The following FAT3 variants were observed in gnomAD, a reference collection of about 807,000 sequenced individuals.
The protein encoded by FAT3 is FAT atypical cadherin 3.
Under a neutral mutation model 310.2 loss-of-function variants are expected in FAT3, and 95 were observed. The ratio of observed to expected loss-of-function variants is 0.31; its 90% CI spans 0.26 to 0.36. The LOEUF is 0.36. Among genes scored for constraint, FAT3 ranks in the 10% least tolerant of loss-of-function variants. The probability of loss-of-function intolerance (pLI) is 1.00; values close to 1 mark genes in which losing one functional copy is unlikely to be tolerated. For synonymous variants in FAT3, 2,314 were observed against 2,192.9 expected, an observed-to-expected ratio of 1.06 and a Z score of -1.54; for missense variants, 5,408 against 5,715.6, an observed-to-expected ratio of 0.95 and a Z score of 1.74.
chr11:92,390,018 G>C (rs1227780199), intron 2 of FAT3, among the ~76,000 whole-genome samples: 4 of 149,128 alleles, frequency 2.7e-5, no homozygotes, highest in African/African-American at 9.8e-5. Flanking sequence ...AAAAAAGCCT[G>C]TTTTTTTTTT....
chr11:92,536,261 C>G (rs558321620), intron 3 of FAT3, among the ~76,000 whole-genome samples: 2 of 152,204 alleles, frequency 1.3e-5, no homozygotes, highest in Non-Finnish European at 2.9e-5. Context: ...TTATTGATAG[C>G]AGTCCTGTTG....
rs906646362 is a variant in FAT3, at chr11:92,706,337, A to C, written c.3669+8892A>C. On this transcript the variant is annotated intron_variant, in intron 4 of 27. Transcript: ENST00000525166. Reference sequence around the variant, plus strand: ...AAATATTAATTCTCAGAGCTAGTACATTCAAAACAGAGATTACAAGATGCC... The same window carrying C: ...AAATATTAATTCTCAGAGCTAGTACCTTCAAAACAGAGATTACAAGATGCC... Among the ~76,000 whole-genome samples the C allele has an allele frequency of 3.9e-5, 6 of 152,240 alleles. No homozygotes were observed. In the South Asian group the frequency reaches 6.2e-4, roughly 16 times the overall value.
At chr11:92,314,058 G>C (rs1239950628) in intron 1 of FAT3, among the ~76,000 whole-genome samples, 2 of 152,290 alleles carry the variant, frequency 1.3e-5, no homozygotes, top group Non-Finnish European at 2.9e-5. Context: ...AACTTAGCCT[G>C]TTTTCTCCTA....
chr11:92,775,355 G>C (rs139128893), intron 7 of FAT3, among the ~76,000 whole-genome samples: 1 of 152,292 alleles, frequency 6.6e-6, no homozygotes, highest in Non-Finnish European at 1.5e-5. Flanking sequence ...AAAATATAAT[G>C]CAACTCTTTT....
chr11:92,777,139 A>C (rs563005568), intron 7 of FAT3, among the ~76,000 whole-genome samples: 1 of 152,216 alleles, frequency 6.6e-6, no homozygotes, highest in Non-Finnish European at 1.5e-5. Context: ...CCTTCACCAT[A>C]TAACTAAATA....
chr11:92,261,018 T>C (rs1462296742), intron 1 of FAT3, among the ~76,000 whole-genome samples: 2 of 152,116 alleles, frequency 1.3e-5, no homozygotes, highest in African/African-American at 4.8e-5. Flanking sequence ...TAGTTTATTA[T>C]AGGGCAGAGT....
At chr11:92,321,436 CAA>C (rs61666151) in intron 1 of FAT3, among the ~76,000 whole-genome samples, 2 of 122,322 alleles carry the variant, frequency 1.6e-5, no homozygotes. Context: ...GACTCCGTCT[CAA>C]AAAAAAAAAA....
intron 19 of FAT3, among the ~76,000 whole-genome samples, chr11:92,847,574 G>A (rs1014165332): frequency 6.6e-6 from 1 of 152,190 alleles, no homozygotes; most frequent in African/African-American, 2.4e-5. Flanking sequence ...TCAGACTCCT[G>A]TGTGCATGGG....
intron 19 of FAT3, among the ~76,000 whole-genome samples, chr11:92,850,880 G>C (rs1378785966): frequency 6.6e-6 from 1 of 152,178 alleles, no homozygotes; most frequent in Non-Finnish European, 1.5e-5. Context: ...TCTCCTCCCT[G>C]CATGTTCCAA....
At chr11:92,620,557 C>T (rs1209858545) in intron 3 of FAT3, among the ~76,000 whole-genome samples, 1 of 152,012 alleles carries the variant, frequency 6.6e-6, no homozygotes, top group African/African-American at 2.4e-5. Flanking sequence ...TTTTTTTTAA[C>T]CAAATTTCAG....
At chr11:92,751,688 G>A (rs1945832748) in intron 4 of FAT3, among the ~76,000 whole-genome samples, 1 of 152,096 alleles carries the variant, frequency 6.6e-6, no homozygotes, top group Non-Finnish European at 1.5e-5. Context: ...AGGAAAAGGA[G>A]GCTTGATTCT....
chr11:92,717,018 G>A (rs1449276121), intron 4 of FAT3, among the ~76,000 whole-genome samples: 1 of 152,138 alleles, frequency 6.6e-6, no homozygotes, highest in Non-Finnish European at 1.5e-5. Flanking sequence ...CTTACTCTGT[G>A]ATAGTCTCAG....
At chr11:92,265,516 C>T (rs1247969605) in intron 1 of FAT3, among the ~76,000 whole-genome samples, 1 of 151,960 alleles carries the variant, frequency 6.6e-6, no homozygotes, top group Non-Finnish European at 1.5e-5. Context: ...GCAAGGGGAA[C>T]ACTTCTGGTG....
At chr11:92,300,045 G>C (rs1377305887) in intron 1 of FAT3, among the ~76,000 whole-genome samples, 1 of 152,096 alleles carries the variant, frequency 6.6e-6, no homozygotes, top group African/African-American at 2.4e-5. Flanking sequence ...AGATGCTCAT[G>C]ATTCAAAATG....
intron 1 of FAT3, among the ~76,000 whole-genome samples, chr11:92,343,742 T>C (rs1326216073): frequency 6.6e-6 from 1 of 152,176 alleles, no homozygotes; most frequent in Non-Finnish European, 1.5e-5. Flanking sequence ...TGACAAGTAT[T>C]GGAACAGTTT....
intron 13 of FAT3, among the ~76,000 whole-genome samples, chr11:92,817,470 T>G (rs1947853925): frequency 6.6e-6 from 1 of 152,224 alleles, no homozygotes; most frequent in African/African-American, 2.4e-5. Context: ...GCCCCGAGTG[T>G]GTATCTCAGC....
chr11:92,549,677 A>G (rs568249690), intron 3 of FAT3, among the ~76,000 whole-genome samples: 3 of 152,232 alleles, frequency 2.0e-5, no homozygotes, highest in East Asian at 1.9e-4. Flanking sequence ...AAGTGATATT[A>G]TATAATGTGG....
intron 4 of FAT3, among the ~76,000 whole-genome samples, chr11:92,715,440 T>A (rs1354992013): frequency 1.3e-5 from 2 of 151,500 alleles, no homozygotes; most frequent in Non-Finnish European, 2.9e-5. Context: ...AAATAAAAAA[T>A]TAATTAATTA....
At chr11:92,327,591 T>C (rs1947798287) in intron 1 of FAT3, among the ~76,000 whole-genome samples, 1 of 152,236 alleles carries the variant, frequency 6.6e-6, no homozygotes, top group South Asian at 2.1e-4. Context: ...AGACAGTGGA[T>C]TAAATGTATC....
Sources: gnomAD v4.1 joint callset for allele counts (sites outside exome capture counted in the v4.1 genomes callset) on GRCh38, gnomAD v4.1.1 for gene constraint, MANE v1.5 for transcripts, NCBI Gene and HGNC (gene_info 2026-07-23, HGNC 2026-07-21) for gene names.